Variants in COL9A2 observed in about 807,000 individuals in gnomAD.
The protein encoded by COL9A2 is collagen type IX alpha 2 chain, also known as collagen alpha-2(IX) chain.
In COL9A2, 66 loss-of-function variants were observed where a neutral mutation model predicts 111.6. That is an observed-to-expected ratio of 0.59 (90% CI 0.48 to 0.73). The LOEUF (loss-of-function observed/expected upper bound fraction) is 0.73. COL9A2 is among the 30% of genes least tolerant of loss of function. The pLI, the probability that COL9A2 is intolerant of heterozygous loss-of-function variation, is 0.00. For synonymous variants in COL9A2, 353 were observed against 364.1 expected (o/e 0.97, Z 0.35); for missense variants, 881 against 954.1 (o/e 0.92, Z 1.01).
chr1:40,310,979 A>C lies in COL9A2; in HGVS notation c.630+114T>G. On this transcript the variant is annotated intron_variant, in intron 12 of 31. Coordinates refer to ENST00000372748, the MANE Select transcript of COL9A2 (RefSeq NM_001852.4). This position sits in a 1 kb window ranked among gnomAD's most constrained non-coding sequence, Gnocchi z 4.9. ...AGCACAGGCCTCCAGCCCCCGGCTC[A>C]AGGCTCTGTCCCCAGAACCCACAGG... 2 of 1,421,852 alleles carry C rather than the reference A, an allele frequency of 1.4e-6. No individual in the cohort carries two copies. The highest frequency in any genetic ancestry group is 9.9e-7 in the Non-Finnish European group (1 of 1,007,786). The allele number at this position is 1,421,852 out of a possible 1,614,324, so 88.1% of individuals were successfully genotyped here. A position where few individuals can be genotyped will look rare whatever the true frequency, so the allele number is the denominator to read the frequency against.
rs1165707223 is a variant in COL9A2 at position 40,316,681 on chromosome 1, G to A, written c.75+442C>T. 2.3e-6 allele frequency: 1 copy of A among 435,076 alleles called. No homozygotes were observed. The highest frequency in any genetic ancestry group is 2.2e-5 in the African/African-American group (1 of 46,284). 27.0% of individuals were successfully genotyped at this position (435,076 alleles called of 1,614,324 possible). On this transcript the variant is annotated intron_variant, in intron 1 of 31. Coordinates refer to ENST00000372748, the MANE Select transcript of COL9A2 (RefSeq NM_001852.4). The surrounding 1 kb of genome is among the most constrained non-coding windows in gnomAD (Gnocchi z 5.5). ...CGCCCGCAGCCCCCGGCGGCCCTCGGAAGGGAGACGTGGGTAGGCGGGCAG... is the reference window on the plus strand; with the variant it reads ...CGCCCGCAGCCCCCGGCGGCCCTCGAAAGGGAGACGTGGGTAGGCGGGCAG...
In COL9A2 at chr1:40,311,244, G is replaced by T. The variant is rs139455364; in HGVS notation, c.562C>A (p.Leu188Met). Reference sequence around the variant, plus strand: ...GGAGCTCTCACCTTCACTCCCTGCAGCCCTGGGGGACCTTTCATTCCGGGT... The same window carrying T: ...GGAGCTCTCACCTTCACTCCCTGCATCCCTGGGGGACCTTTCATTCCGGGT... ...CPPGMKGPPG[L>M]QGVKGHAGKR... The change falls in exon 11 of 32, where the codon CTG becomes ATG. Residue 188 changes from leucine (L) to methionine (M), a missense_variant. Coordinates refer to ENST00000372748, the MANE Select transcript of COL9A2 (RefSeq NM_001852.4). The surrounding 1 kb of genome is among the most constrained non-coding windows in gnomAD (Gnocchi z 5.1). The T allele has an allele frequency of 3.6e-4, 579 of 1,614,180 alleles. 3 individuals carry two copies. In the African/African-American group the frequency reaches 6.7e-3, roughly 19 times the overall value.
In COL9A2 at chr1:40,315,317, G is replaced by A. The variant is rs209920; in HGVS notation, c.150+273C>T. ...ACCCCACAAGGAGGGGAAAGGAGAGGAGGGGGATGAGGCCTCGCTGTGAGC... is the reference window on the plus strand; with the variant it reads ...ACCCCACAAGGAGGGGAAAGGAGAGAAGGGGGATGAGGCCTCGCTGTGAGC... On this transcript the variant is annotated intron_variant, in intron 2 of 31. Transcript: ENST00000372748. 67,797 of 1,304,944 alleles carry A rather than the reference G, an allele frequency of 0.052. 4,496 individuals are homozygous for A. Among genetic ancestry groups the A allele is most frequent in the African/African-American group, 0.3 (19,910 of 65,774 alleles). The allele number at this position is 1,304,944 out of a possible 1,614,324, so 80.8% of individuals were successfully genotyped here.
chr1:40,311,821 G>T lies in COL9A2; in HGVS notation c.418-106C>A. On this transcript the variant is annotated intron_variant, in intron 8 of 31. Coordinates refer to ENST00000372748, the MANE Select transcript of COL9A2 (RefSeq NM_001852.4). This position sits in a 1 kb window ranked among gnomAD's most constrained non-coding sequence, Gnocchi z 5.1. ...CTGCCCTCTCCACCCTGTCTTCCCGGTCACTTTGTGAGATCCACCATCTTG... is the reference window on the plus strand; with the variant it reads ...CTGCCCTCTCCACCCTGTCTTCCCGTTCACTTTGTGAGATCCACCATCTTG... 1 of 1,235,598 alleles carries T rather than the reference G, an allele frequency of 8.1e-7. No homozygotes were observed. Among genetic ancestry groups the T allele is most frequent in the Non-Finnish European group, 1.2e-6 (1 of 841,800 alleles). The allele number at this position is 1,235,598 out of a possible 1,614,324, so 76.5% of individuals were successfully genotyped here.
Position 40,311,947 on chromosome 1 carries a change from G to T in COL9A2, c.417+112C>A. ...GAGGGGTTTCTGCCCCAGACCTGGA[G>T]GAGTTTCCCAGTGGCCAGGAGCAGG... On this transcript the variant is annotated intron_variant, in intron 8 of 31. Transcript: ENST00000372748. This position sits in a 1 kb window ranked among gnomAD's most constrained non-coding sequence, Gnocchi z 5.1. 1 of 1,232,330 alleles carries T rather than the reference G, an allele frequency of 8.1e-7. No individual in the cohort carries two copies. The highest frequency in any genetic ancestry group is 1.3e-5 in the South Asian group (1 of 77,280). The allele number at this position is 1,232,330 out of a possible 1,614,324, so 76.3% of individuals were successfully genotyped here.
Position 40,304,372 on chromosome 1 carries a change from C to T in COL9A2, c.1235G>A (p.Gly412Asp). The change falls in exon 24 of 32, where the codon GGC becomes GAC. Residue 412 changes from glycine (G) to aspartate (D), a missense_variant. Gly to Asp is a moderately conservative substitution (Grantham distance 94). Coordinates refer to ENST00000372748, the MANE Select transcript of COL9A2 (RefSeq NM_001852.4). ...TTGGGGCCCTGGAATTCCGGGGGGG[C>T]CCTGCTCCCCCTTAGGGCCCTGAGG... is the stretch of plus-strand genomic sequence containing the variant. ...QGRQGPKGEQ[G>D]PPGIPGPQGL... 1 of 1,588,836 alleles carries T rather than the reference C, an allele frequency of 6.3e-7. No individual in the cohort carries two copies. The highest frequency in any genetic ancestry group is 8.6e-7 in the Non-Finnish European group (1 of 1,166,994).
chr1:40,309,078 C>A (rs1462718578), intron 16 of COL9A2, among the ~76,000 whole-genome samples: 1 of 152,102 alleles, frequency 6.6e-6, no homozygotes, highest in Admixed American at 6.6e-5. Context: ...CCTGTCTCTA[C>A]TAAAAATACA....
Position 40,302,621 on chromosome 1 carries a change from C to T in COL9A2, c.1792G>A (p.Gly598Arg). 1 of 1,598,698 alleles carries T rather than the reference C, an allele frequency of 6.3e-7. No individual in the cohort carries two copies. The highest frequency in any genetic ancestry group is 8.5e-7 in the Non-Finnish European group (1 of 1,174,710). ...VGQIGNTGPK[G>R]KRGEKGDPGE... ...ATGCCCACCGCAGAGGAGCACTCAC[C>T]CTTGGGCCCCGTGTTGCCGATCTGA... The change falls in exon 30 of 32, where the codon GGA becomes AGA. Residue 598 changes from glycine (G) to arginine (R), a missense_variant and splice_region_variant. Coordinates refer to ENST00000372748, the MANE Select transcript of COL9A2 (RefSeq NM_001852.4). The surrounding 1 kb of genome is among the most constrained non-coding windows in gnomAD (Gnocchi z 4.5).
chr1:40,309,727 ACACT>A (rs1462615512), intron 16 of COL9A2, among the ~76,000 whole-genome samples: 7 of 151,906 alleles, frequency 4.6e-5, no homozygotes, highest in East Asian at 1.9e-4. Flanking sequence ...CATACTACAC[ACACT>A]CACAGACAGC....
chr1:40,302,942 GCT>G lies in COL9A2; in HGVS notation c.1604-135_1604-134del, dbSNP rs1643938283. ...GACAGAAAAGCACCACCTTCCGTGG[GCT>G]CTGTTTTGCGGAAGTCAAAGGCCCA... On this transcript the variant is annotated intron_variant, in intron 29 of 31. Transcript: ENST00000372748. The surrounding 1 kb of genome is among the most constrained non-coding windows in gnomAD (Gnocchi z 4.5). 4.4e-6 allele frequency: 5 copies of G among 1,131,628 alleles called. No homozygotes were observed. The highest frequency in any genetic ancestry group is 6.4e-6 in the Non-Finnish European group (5 of 781,530). The allele number at this position is 1,131,628 out of a possible 1,614,324, so 70.1% of individuals were successfully genotyped here.
In COL9A2 at chr1:40,303,879, C is replaced by A. The variant is rs371047792; in HGVS notation, c.1369-40G>T. The A allele has an allele frequency of 6.5e-6, 10 of 1,549,442 alleles. No individual in the cohort carries two copies. The highest frequency in any genetic ancestry group is 1.2e-5 in the South Asian group (1 of 84,034). Reference sequence around the variant, plus strand: ...AGCAGCGGTCACGAAGCCGCGGGGACCCCGGGGCCAGCCGCCGCTCCCCGC... The same window carrying A: ...AGCAGCGGTCACGAAGCCGCGGGGAACCCGGGGCCAGCCGCCGCTCCCCGC... On this transcript the variant is annotated intron_variant, in intron 26 of 31. Transcript: ENST00000372748. This position sits in a 1 kb window ranked among gnomAD's most constrained non-coding sequence, Gnocchi z 4.6.
chr1:40,312,928 T>A lies in COL9A2; in HGVS notation c.250-144A>T, dbSNP rs1644155289. The A allele has an allele frequency of 3.1e-5, 21 of 684,916 alleles. 1 individual carries two copies. In the South Asian group the frequency reaches 3.2e-4, roughly 10 times the overall value. The allele number at this position is 684,916 out of a possible 1,614,324, so 42.4% of individuals were successfully genotyped here. A position where few individuals can be genotyped will look rare whatever the true frequency, so the allele number is the denominator to read the frequency against. On this transcript the variant is annotated intron_variant, in intron 4 of 31. Coordinates refer to ENST00000372748, the MANE Select transcript of COL9A2 (RefSeq NM_001852.4). The surrounding 1 kb of genome is among the most constrained non-coding windows in gnomAD (Gnocchi z 6.0). ...GAAGGCCTAGGAACCTCCACACCTT[T>A]CTTTCCTTTTCCCCAGTTCCCATAG...
chr1:40,314,373 G>A lies in COL9A2; in HGVS notation c.165C>T (p.Pro55=). 6.2e-7 allele frequency: 1 copy of A among 1,614,120 alleles called. No individual in the cohort carries two copies. Among genetic ancestry groups the A allele is most frequent in the Non-Finnish European group, 8.5e-7 (1 of 1,180,020 alleles). The change falls in exon 3 of 32, where the codon CCC becomes CCT. Residue 55 remains proline (P), a synonymous_variant. Coordinates refer to ENST00000372748, the MANE Select transcript of COL9A2 (RefSeq NM_001852.4). This position sits in a 1 kb window ranked among gnomAD's most constrained non-coding sequence, Gnocchi z 4.1. ...TCACCGGAGGGCCAGCTTTTCCAGGGGGCCCATTGTCACCCTGCAAGATAC... is the reference window on the plus strand; with the variant it reads ...TCACCGGAGGGCCAGCTTTTCCAGGAGGCCCATTGTCACCCTGCAAGATAC... The part of the protein sequence containing the change: ...GSDGIDGDNG[P]PGKAGPPGPK...
In COL9A2 at chr1:40,310,161, G is replaced by T. The variant is rs772771389; in HGVS notation, c.742C>A (p.Pro248Thr). Residue 248 changes from proline to threonine, a missense_variant, in exon 15 of 32, where the codon CCT becomes ACT. Pro to Thr is a conservative substitution (Grantham distance 38). Coordinates refer to ENST00000372748, the MANE Select transcript of COL9A2 (RefSeq NM_001852.4). This position sits in a 1 kb window ranked among gnomAD's most constrained non-coding sequence, Gnocchi z 4.9. ...GMAGPKGETG[P>T]HGYKGMVGAI... ...CCCACCATGCCTTTATATCCATGAGGGCCCTGGGGAGAGGAAAGGGTTGCA... is the reference window on the plus strand; with the variant it reads ...CCCACCATGCCTTTATATCCATGAGTGCCCTGGGGAGAGGAAAGGGTTGCA... 6.2e-7 allele frequency: 1 copy of T among 1,614,128 alleles called. No homozygotes were observed. The highest frequency in any genetic ancestry group is 8.5e-7 in the Non-Finnish European group (1 of 1,180,010).
chr1:40,308,065 G>T, intron 17 of COL9A2, 127 bp downstream of exon 17: 1 of 914,122 alleles, frequency 1.1e-6, no homozygotes, highest in Non-Finnish European at 1.8e-6. Flanking sequence ...GGCATTTCCT[G>T]AGGTTATGGA....
rs1643955427 is a variant in COL9A2, at chr1:40,303,700, C to T, written c.1402-24G>A. ...TGCTGCGGGGGGATGGGGGTGGGAG[C>T]AGAGCCGGGTGAGAAGGCGCCCGGG... On this transcript the variant is annotated intron_variant, in intron 27 of 31. Transcript: ENST00000372748. The surrounding 1 kb of genome is among the most constrained non-coding windows in gnomAD (Gnocchi z 4.6). 3.9e-6 allele frequency: 6 copies of T among 1,544,040 alleles called. No individual in the cohort carries two copies. The South Asian group carries it at 6.0e-5, about 15-fold the overall frequency.
At position 40,316,596 on chromosome 1, in the gene COL9A2, G is replaced by T; in HGVS notation, c.75+527C>A. 2.2e-6 allele frequency: 1 copy of T among 454,666 alleles called. No homozygotes were observed. The highest frequency in any genetic ancestry group is 4.4e-6 in the Non-Finnish European group (1 of 225,968). The allele number at this position is 454,666 out of a possible 1,614,324, so 28.2% of individuals were successfully genotyped here. A position where few individuals can be genotyped will look rare whatever the true frequency, so the allele number is the denominator to read the frequency against. ...CCGCGAAGTGCCAGGCTGGCGCCCC[G>T]CAGGCGAGCTCGAAACCACACCCAG... On this transcript the variant is annotated intron_variant, in intron 1 of 31. Coordinates refer to ENST00000372748, the MANE Select transcript of COL9A2 (RefSeq NM_001852.4). This position sits in a 1 kb window ranked among gnomAD's most constrained non-coding sequence, Gnocchi z 5.5.
chr1:40,317,062 C>T lies in COL9A2; in HGVS notation c.75+61G>A. ...GGCGCGGGACACAGGCAGAGCTCCT[C>T]CATCCCGGACTCCAGACCCCGCACC... On this transcript the variant is annotated intron_variant, in intron 1 of 31. Transcript: ENST00000372748. The surrounding 1 kb of genome is among the most constrained non-coding windows in gnomAD (Gnocchi z 4.3). The T allele has an allele frequency of 6.7e-7, 1 of 1,482,558 alleles. No homozygotes were observed. The highest frequency in any genetic ancestry group is 1.4e-5 in the African/African-American group (1 of 71,788). The allele number at this position is 1,482,558 out of a possible 1,614,324, so 91.8% of individuals were successfully genotyped here.
At chr1:40,309,405 C>A (rs1644079819) in intron 16 of COL9A2, among the ~76,000 whole-genome samples, 1 of 151,154 alleles carries the variant, frequency 6.6e-6, no homozygotes, top group Non-Finnish European at 1.5e-5. Context: ...AAACTTAAAA[C>A]CGCTTCCCCC....
Sources: gnomAD v4.1 joint callset for allele counts (sites outside exome capture counted in the v4.1 genomes callset) on GRCh38, gnomAD v4.1.1 for gene constraint, Gnocchi (gnomAD v3.1) non-coding constraint, MANE v1.5 for transcripts, NCBI Gene and HGNC (gene_info 2026-07-23, HGNC 2026-07-21) for gene names.